Variants in AKAP8 observed in about 807,000 individuals in gnomAD.
AKAP8 encodes A-kinase anchoring protein 8, also known as A-kinase anchor protein 8.
AKAP8 carries 24 observed loss-of-function variants against 67.5 expected under a neutral mutation model. That is an observed-to-expected ratio of 0.36 (90% CI 0.26 to 0.50). The LOEUF is 0.50. Ranked by LOEUF, AKAP8 falls within the 20% of genes least tolerant of loss-of-function variation. The pLI is 0.97. For missense variants in AKAP8, 971 were observed against 955.9 expected (o/e 1.02, Z -0.21); for synonymous variants, 400 against 371.1 (o/e 1.08, Z -0.90).
chr19:15,374,708 C>T, intron 2 of AKAP8, 73 bp from the exon 3 acceptor site: 2 of 1,554,758 alleles, frequency 1.3e-6, no homozygotes, highest in East Asian at 2.3e-5. Flanking sequence ...TGTCACCTTG[C>T]TCCACCCTCC....
In AKAP8 at chr19:15,379,783, C is replaced by T; in HGVS notation, c.-52G>A. The T allele has an allele frequency of 6.2e-7, 1 of 1,608,622 alleles. No homozygotes were observed. The highest frequency in any genetic ancestry group is 8.5e-7 in the Non-Finnish European group (1 of 1,178,226). Reference sequence around the variant, plus strand: ...CCGTTTACTAGGCGACCACAGCACGCATGCGTTCAGCGCACCTCCGCCATC... The same window carrying T: ...CCGTTTACTAGGCGACCACAGCACGTATGCGTTCAGCGCACCTCCGCCATC... On this transcript the variant is annotated 5_prime_UTR_variant, in exon 1 of 14. It removes an upstream start codon present in the reference 5' UTR. Transcript: ENST00000269701.
intron 12 of AKAP8, 21 bp downstream of exon 12, chr19:15,360,827 A>C (rs556604739): frequency 6.2e-7 from 1 of 1,608,130 alleles, no homozygotes; most frequent in Admixed American, 1.7e-5. Flanking sequence ...CACCCCAGGC[A>C]GTGTGGGGAG....
In AKAP8 at chr19:15,371,297, T is replaced by G. The variant is rs1967153278; in HGVS notation, c.1038+655A>C. On this transcript the variant is annotated intron_variant, in intron 7 of 13. Coordinates refer to ENST00000269701, the MANE Select transcript of AKAP8 (RefSeq NM_005858.4). ...CTATGAACTGGCCCCACGTGCTGCC[T>G]GCCTGTGCCTTGTTGTGAGGATGGA... Among the ~76,000 whole-genome samples, 4 of 151,860 alleles carry G rather than the reference T, an allele frequency of 2.6e-5. No homozygotes were observed. The South Asian group carries it at 8.3e-4, about 32-fold the overall frequency.
In AKAP8 at chr19:15,379,726, G is replaced by C. The variant is rs778290852; in HGVS notation, c.6C>G (p.Asp2Glu). Reference protein sequence around the residue: MDQGYGGYGAWS... With the variant: MEQGYGGYGAWS... Reference sequence around the variant, plus strand: ...GCCAACACAAACCTCCGTAGCCCTGGTCCATGTCTTCGACGCGGCCCACCA... The same window carrying C: ...GCCAACACAAACCTCCGTAGCCCTGCTCCATGTCTTCGACGCGGCCCACCA... The change falls in exon 1 of 14, where the codon GAC (aspartate) becomes GAG (glutamate). Residue 2 changes from aspartate to glutamate, a missense_variant. Physicochemically the swap from Asp to Glu is conservative, Grantham distance 45. Around this residue, in one of 3 missense-constraint regions of AKAP8, gnomAD observed 763 missense variants for 745.4 expected, o/e 1.02. Coordinates refer to ENST00000269701, the MANE Select transcript of AKAP8 (RefSeq NM_005858.4). The C allele has an allele frequency of 1.9e-6, 3 of 1,611,860 alleles. No individual in the cohort carries two copies. Among genetic ancestry groups the C allele is most frequent in the Non-Finnish European group, 2.5e-6 (3 of 1,179,202 alleles).
At chr19:15,363,127 G>A (rs1171920943) in intron 9 of AKAP8, among the ~76,000 whole-genome samples, 6 of 143,970 alleles carry the variant, frequency 4.2e-5, no homozygotes, top group African/African-American at 7.9e-5. Flanking sequence ...CCCGGCAGCC[G>A]CCCCGTCTGA....
chr19:15,365,655 A>G (rs772927212), intron 9 of AKAP8, among the ~76,000 whole-genome samples: 1 of 152,144 alleles, frequency 6.6e-6, no homozygotes, highest in Non-Finnish European at 1.5e-5. Context: ...CACTGTCAGG[A>G]AGCTACTGAT....
chr19:15,363,049 CCTGT>C (rs1378406647), intron 9 of AKAP8, among the ~76,000 whole-genome samples: 6 of 151,800 alleles, frequency 4.0e-5, no homozygotes, highest in African/African-American at 7.2e-5. Context: ...GCCTGGCCGC[CCTGT>C]CTGAGAAGTG....
chr19:15,362,335 C>G, intron 9 of AKAP8, 84 bp from the exon 10 acceptor site: 1 of 1,493,494 alleles, frequency 6.7e-7, no homozygotes, highest in Non-Finnish European at 9.1e-7. Context: ...CTGAGGAGAG[C>G]TGAAATAGAA....
At position 15,355,188 on chromosome 19, in the gene AKAP8, C is replaced by T; in HGVS notation, c.1806G>A (p.Glu602=). Reference sequence around the variant, plus strand: ...CCGTGGGGCCTTCGTCCTCAGCCGGCTCCCCGCTGCTCTCTGGAGCGGGCG... The same window carrying T: ...CCGTGGGGCCTTCGTCCTCAGCCGGTTCCCCGCTGCTCTCTGGAGCGGGCG... ...EGAPAPESSG[E]PAEDEGPTDT... is the part of the protein sequence containing the mutation. Residue 602 remains glutamate (E), a synonymous_variant, in exon 14 of 14, where the codon GAG becomes GAA. Transcript: ENST00000269701. 2.5e-6 allele frequency: 4 copies of T among 1,611,892 alleles called. No individual in the cohort carries two copies. Among genetic ancestry groups the T allele is most frequent in the Non-Finnish European group, 3.4e-6 (4 of 1,180,036 alleles).
chr19:15,361,661 G>C (rs758617169), intron 11 of AKAP8, 68 bp downstream of exon 11: 2 of 1,456,722 alleles, frequency 1.4e-6, no homozygotes, highest in South Asian at 2.3e-5. Context: ...CTCGTGCCAC[G>C]TTTTACGGGT....
chr19:15,371,350 C>T (rs1458702202), intron 7 of AKAP8, among the ~76,000 whole-genome samples: 2 of 152,148 alleles, frequency 1.3e-5, no homozygotes, highest in African/African-American at 4.8e-5. Flanking sequence ...CAGCGGCACC[C>T]GGCACGGAGC....
At chr19:15,367,416 T>C (rs553316431) in intron 9 of AKAP8, among the ~76,000 whole-genome samples, 2 of 152,230 alleles carry the variant, frequency 1.3e-5, no homozygotes, top group South Asian at 4.2e-4. Context: ...TAATCCCAGC[T>C]ACTCGGGAGG....
At chr19:15,362,744 A>G (rs1424021405) in intron 9 of AKAP8, among the ~76,000 whole-genome samples, 7 of 152,084 alleles carry the variant, frequency 4.6e-5, no homozygotes, top group Non-Finnish European at 8.8e-5. Flanking sequence ...TTGGCCTCCC[A>G]AAGTGCCGAG....
chr19:15,370,625 CTTT>C (rs71176407), intron 7 of AKAP8, among the ~76,000 whole-genome samples: 2 of 80,964 alleles, frequency 2.5e-5, no homozygotes, highest in Admixed American at 1.8e-4. Context: ...TACCCAATGT[CTTT>C]TTTTTTTTTT....
chr19:15,359,143 A>G (rs1966924258), intron 12 of AKAP8, 81 bp from the exon 13 acceptor site: 1 of 1,280,876 alleles, frequency 7.8e-7, no homozygotes. Context: ...CTGCCGAGTC[A>G]TCCTGAGATC....
rs370823822 is a variant in AKAP8, at chr19:15,379,783, C to A, written c.-52G>T. ...CCGTTTACTAGGCGACCACAGCACG[C>A]ATGCGTTCAGCGCACCTCCGCCATC... On this transcript the variant is annotated 5_prime_UTR_variant, in exon 1 of 14. The change abolishes an upstream ATG in the 5' untranslated region. Transcript: ENST00000269701. The A allele has an allele frequency of 8.9e-5, 143 of 1,608,510 alleles. No homozygotes were observed. Among genetic ancestry groups the A allele is most frequent in the Non-Finnish European group, 1.2e-4 (137 of 1,178,236 alleles).
In AKAP8 at chr19:15,374,887, G is replaced by A. The variant is rs757834450; in HGVS notation, c.59-252C>T. Reference sequence around the variant, plus strand: ...CAGGGCAAGGGAAGGGACGCCGCACGCTCCCCAGGAAGCTCGTCCACTGTG... The same window carrying A: ...CAGGGCAAGGGAAGGGACGCCGCACACTCCCCAGGAAGCTCGTCCACTGTG... On this transcript the variant is annotated intron_variant, in intron 2 of 13. Transcript: ENST00000269701. Among the ~76,000 whole-genome samples, 62 of 152,320 alleles carry A rather than the reference G, an allele frequency of 4.1e-4. 3 individuals carry two copies. Among genetic ancestry groups the A allele is most frequent in the Admixed American group, 6.5e-4 (10 of 15,300 alleles).
At chr19:15,370,284 C>G (rs1204642552) in intron 7 of AKAP8, 105 bp from the exon 8 acceptor site, 1 of 1,339,232 alleles carries the variant, frequency 7.5e-7, no homozygotes, top group South Asian at 1.2e-5. Flanking sequence ...TCACCCAAGA[C>G]CTAGGTTGCT....
At chr19:15,377,816 C>T (rs1030256769) in intron 1 of AKAP8, among the ~76,000 whole-genome samples, 2 of 152,092 alleles carry the variant, frequency 1.3e-5, no homozygotes, top group African/African-American at 4.8e-5. Context: ...CCTTTAAGTC[C>T]CAGAGCCTTC....
Sources: allele counts gnomAD v4.1 joint callset (sites outside exome capture counted in the v4.1 genomes callset), GRCh38; gene constraint gnomAD v4.1.1; regional missense constraint gnomAD v4.1.1; transcripts MANE v1.5; gene names NCBI Gene and HGNC (gene_info 2026-07-23, HGNC 2026-07-21).